PLA2G2E: variants seen among roughly 807,000 people sequenced by gnomAD.
PLA2G2E encodes the protein phospholipase A2 group IIE.
A neutral mutation model predicts 16.5 loss-of-function variants in PLA2G2E; 14 were observed. That is an observed-to-expected ratio of 0.85 (90% CI 0.56 to 1.33). The LOEUF is 1.33. Among genes scored for constraint, PLA2G2E ranks in the 40% most tolerant of loss-of-function variants. PLA2G2E has a pLI of 0.00. For missense variants in PLA2G2E, 174 were observed against 190.7 expected, an observed-to-expected ratio of 0.91 and a Z score of 0.52; for synonymous variants, 72 against 77.2, an observed-to-expected ratio of 0.93 and a Z score of 0.36.
chr1:19,921,864 C>T (rs1324218637), intron 3 of PLA2G2E, among the ~76,000 whole-genome samples: 1 of 152,226 alleles, frequency 6.6e-6, no homozygotes, highest in East Asian at 1.9e-4. Context: ...GCCTGACAGT[C>T]CCATTGAGGA....
intron 1 of PLA2G2E, 124 bp downstream of exon 1, chr1:19,923,396 G>T: frequency 1.2e-6 from 1 of 827,724 alleles, no homozygotes; most frequent in Non-Finnish European, 1.9e-6. Context: ...CCTGGTGGCA[G>T]GAAGGGGGCA....
In PLA2G2E at chr1:19,922,225, G is replaced by T. The variant is rs1014462913; in HGVS notation, c.286+73C>A. 78 of 1,029,402 alleles carry T rather than the reference G, an allele frequency of 7.6e-5. No homozygotes were observed. In the African/African-American group the frequency reaches 1.0e-3, roughly 13 times the overall value. 63.8% of individuals were successfully genotyped at this position (1,029,402 alleles called of 1,614,324 possible). On this transcript the variant is annotated intron_variant, in intron 3 of 3. Transcript: ENST00000375116. ...AAGGCCCAAGGTCACCATCAGGAGG[G>T]GCTTCCTGTCTTAAGCTGCCTCCAC...
chr1:19,922,611 C>T lies in PLA2G2E; in HGVS notation c.179+6G>A, dbSNP rs1287841712. 2 of 1,613,832 alleles carry T rather than the reference C, an allele frequency of 1.2e-6. No homozygotes were observed. Among genetic ancestry groups the T allele is most frequent in the East Asian group, 2.2e-5 (1 of 44,862 alleles). On this transcript the variant is annotated splice_donor_region_variant and intron_variant, in intron 2 of 3. Coordinates refer to ENST00000375116, the MANE Select transcript of PLA2G2E (RefSeq NM_014589.3). ...ATGGAGGTCCCCCTGCAGGCTGCTT[C>T]CTCACCAGTCAGTCTGGTCCACCGG... is the stretch of plus-strand genomic sequence containing the variant.
At chr1:19,922,489 C>G in intron 2 of PLA2G2E, 85 bp from the exon 3 acceptor site, 1 of 1,542,612 alleles carries the variant, frequency 6.5e-7, no homozygotes, top group Non-Finnish European at 8.8e-7. Flanking sequence ...GAGCCCAAAG[C>G]AGCCCAGAGG....
At position 19,920,474 on chromosome 1, in the gene PLA2G2E, G is replaced by C; in HGVS notation, c.287-25C>G. The C allele has an allele frequency of 1.2e-6, 2 of 1,610,386 alleles. No homozygotes were observed. The highest frequency in any genetic ancestry group is 1.7e-6 in the Non-Finnish European group (2 of 1,178,816). On this transcript the variant is annotated intron_variant, in intron 3 of 3. Transcript: ENST00000375116. This position sits in a 1 kb window ranked among gnomAD's most constrained non-coding sequence, Gnocchi z 4.3. ...GCTGGATGGGACAAAGTGAGTCAGGGACCACAGAAGCTCAGGATATGTGTG... is the reference window on the plus strand; with the variant it reads ...GCTGGATGGGACAAAGTGAGTCAGGCACCACAGAAGCTCAGGATATGTGTG...
intron 2 of PLA2G2E, 80 bp downstream of exon 2, chr1:19,922,537 C>T (rs941267757): frequency 1.3e-5 from 20 of 1,578,280 alleles, no homozygotes; most frequent in Non-Finnish European, 1.7e-5. Flanking sequence ...CCCCAGGCTT[C>T]CCTCCTTCTC....
chr1:19,922,332 A>G lies in PLA2G2E; in HGVS notation c.252T>C (p.Tyr84=). The G allele has an allele frequency of 6.2e-7, 1 of 1,614,054 alleles. No individual in the cohort carries two copies. The change falls in exon 3 of 4, where the codon TAT becomes TAC. Residue 84 remains tyrosine, a synonymous_variant. Transcript: ENST00000375116. ...KLGCEPKLEK[Y]LFSVSERGIF... ...TGCCACGTTCGCTGACAGAGAAAAG[A>G]TACTTTTCCAGTTTGGGCTCACAGC...
At position 19,920,444 on chromosome 1, in the gene PLA2G2E, T is replaced by C. The variant is rs1557687946; in HGVS notation, c.292A>G (p.Arg98Gly). Residue 98 changes from arginine (R) to glycine (G), a missense_variant, in exon 4 of 4, where the codon AGG (arginine) becomes GGG (glycine). By Grantham distance (125) the Arg-to-Gly change is moderately radical. Transcript: ENST00000375116. This position sits in a 1 kb window ranked among gnomAD's most constrained non-coding sequence, Gnocchi z 4.3. The stretch of plus-strand genomic sequence containing the variant: ...CAGGTCAGCCGCTGGCAGGTGGTCC[T>C]GCCGGCTGGATGGGACAAAGTGAGT... ...VSERGIFCAG[R>G]TTCQRLTCEC... is the part of the protein sequence containing the mutation. 6.2e-7 allele frequency: 1 copy of C among 1,613,534 alleles called. No homozygotes were observed. Among genetic ancestry groups the C allele is most frequent in the Non-Finnish European group, 8.5e-7 (1 of 1,179,758 alleles).
intron 2 of PLA2G2E, 42 bp from the exon 3 acceptor site, chr1:19,922,446 G>T (rs766582490): frequency 1.3e-6 from 2 of 1,588,636 alleles, no homozygotes; most frequent in Non-Finnish European, 8.6e-7. Flanking sequence ...TGTGAGCCAG[G>T]CTGGGCTGGA....
In PLA2G2E at chr1:19,920,413, C is replaced by T. The variant is rs2045805537; in HGVS notation, c.323G>A (p.Cys108Tyr). 6.2e-7 allele frequency: 1 copy of T among 1,613,942 alleles called. No homozygotes were observed. Among genetic ancestry groups the T allele is most frequent in the South Asian group, 1.1e-5 (1 of 91,070 alleles). The change falls in exon 4 of 4, where the codon TGT becomes TAT. Residue 108 changes from cysteine (C) to tyrosine (Y), a missense_variant. Physicochemically the swap from Cys to Tyr is radical, Grantham distance 194. Transcript: ENST00000375116. The surrounding 1 kb of genome is among the most constrained non-coding windows in gnomAD (Gnocchi z 4.3). Reference sequence around the variant, plus strand: ...AAAGCAGAGGGCAGCCCTCTTGTCACACTCGCAGGTCAGCCGCTGGCAGGT... The same window carrying T: ...AAAGCAGAGGGCAGCCCTCTTGTCATACTCGCAGGTCAGCCGCTGGCAGGT... ...RTTCQRLTCE[C>Y]DKRAALCFRR...
intron 1 of PLA2G2E, 132 bp from the exon 2 acceptor site, chr1:19,922,887 C>T: frequency 2.2e-6 from 2 of 916,810 alleles, no homozygotes; most frequent in Non-Finnish European, 3.3e-6. Context: ...CAAAGCAACC[C>T]ACTCTCAACA....
At chr1:19,921,226 G>A (rs1557688123) in intron 3 of PLA2G2E, among the ~76,000 whole-genome samples, 1 of 152,148 alleles carries the variant, frequency 6.6e-6, no homozygotes, top group Non-Finnish European at 1.5e-5. Context: ...CTCTGCCCAC[G>A]CCCGCTATGT....
At chr1:19,922,796 C>T (rs765650230) in intron 1 of PLA2G2E, 41 bp from the exon 2 acceptor site, 1 of 1,607,052 alleles carries the variant, frequency 6.2e-7, no homozygotes, top group Non-Finnish European at 8.5e-7. Flanking sequence ...AGGGCCCCAC[C>T]CTCTGCAGCC....
rs2045804725 is a variant in PLA2G2E at position 19,920,366 on chromosome 1, T to C, written c.370A>G (p.Asn124Asp). 1.2e-6 allele frequency: 2 copies of C among 1,613,802 alleles called. No homozygotes were observed. The highest frequency in any genetic ancestry group is 1.7e-6 in the Non-Finnish European group (2 of 1,179,852). Residue 124 changes from asparagine (N) to aspartate (D), a missense_variant, in exon 4 of 4, where the codon AAC becomes GAC. By Grantham distance (23) the Asn-to-Asp change is conservative (BLOSUM62 1). Coordinates refer to ENST00000375116, the MANE Select transcript of PLA2G2E (RefSeq NM_014589.3). This position sits in a 1 kb window ranked among gnomAD's most constrained non-coding sequence, Gnocchi z 4.3. ...TTGGGATAATGGGCATATTTGCGGT[T>C]GTAGGTGCCCAGGTTGCGGCGAAAG... ...LCFRRNLGTY[N>D]RKYAHYPNKL...
chr1:19,923,216 C>G (rs1400971675), intron 1 of PLA2G2E, among the ~76,000 whole-genome samples: 1 of 152,252 alleles, frequency 6.6e-6, no homozygotes, highest in Non-Finnish European at 1.5e-5. Flanking sequence ...ATCCTGCCCA[C>G]CTTGGCAGGT....
At chr1:19,921,952 TC>T (rs2045819801) in intron 3 of PLA2G2E, among the ~76,000 whole-genome samples, 1 of 152,218 alleles carries the variant, frequency 6.6e-6, no homozygotes, top group African/African-American at 2.4e-5. Context: ...CACCTTTAGC[TC>T]CTGTTGAGGC....
In PLA2G2E at chr1:19,922,750, G is replaced by A; in HGVS notation, c.46C>T (p.Leu16=). 6.2e-7 allele frequency: 1 copy of A among 1,612,222 alleles called. No homozygotes were observed. Among genetic ancestry groups the A allele is most frequent in the Non-Finnish European group, 8.5e-7 (1 of 1,179,782 alleles). ...AACTGAACCAGGTTCCCGGTGACCAGAGCCACTGCAGAGAGGGAGAGGGAG... is the reference window on the plus strand; with the variant it reads ...AACTGAACCAGGTTCCCGGTGACCAAAGCCACTGCAGAGAGGGAGAGGGAG... ...VLVFLCLLVA[L]VTGNLVQFGV... Residue 16 remains leucine, a synonymous_variant, in exon 2 of 4, where the codon CTG becomes TTG. Coordinates refer to ENST00000375116, the MANE Select transcript of PLA2G2E (RefSeq NM_014589.3).
chr1:19,921,624 G>T (rs756470208), intron 3 of PLA2G2E, among the ~76,000 whole-genome samples: 7 of 152,218 alleles, frequency 4.6e-5, no homozygotes, highest in Non-Finnish European at 7.3e-5. Flanking sequence ...TTAGAGACCT[G>T]AGTCTGCCGC....
intron 1 of PLA2G2E, 97 bp from the exon 2 acceptor site, chr1:19,922,852 A>G (rs1051077024): frequency 3.5e-5 from 51 of 1,439,886 alleles, no homozygotes; most frequent in Non-Finnish European, 7.6e-6. Context: ...GCATCTCTCC[A>G]GTTGTCCAGT....
Sources: allele counts gnomAD v4.1 joint callset (sites outside exome capture counted in the v4.1 genomes callset), GRCh38; gene constraint gnomAD v4.1.1; non-coding constraint Gnocchi (gnomAD v3.1); transcripts MANE v1.5; gene names NCBI Gene and HGNC (gene_info 2026-07-23, HGNC 2026-07-21).